The following MARCHF7 variants were observed in gnomAD, a reference collection of about 807,000 sequenced individuals.
MARCHF7 encodes the protein E3 ubiquitin-protein ligase MARCHF7.
MARCHF7 carries 20 observed loss-of-function variants against 76.5 expected under a neutral mutation model. The ratio of observed to expected loss-of-function variants is 0.26; its 90% CI spans 0.18 to 0.38. MARCHF7 has a LOEUF of 0.38. Among genes scored for constraint, MARCHF7 ranks in the 10% least tolerant of loss-of-function variants. The pLI is 1.00. For missense variants in MARCHF7, 797 were observed against 812.9 expected (o/e 0.98, Z 0.24); for synonymous variants, 295 against 293.0 (o/e 1.01, Z -0.07).
chr2:159,758,906 A>AG (rs1258302994), intron 8 of MARCHF7, among the ~76,000 whole-genome samples: 1 of 152,210 alleles, frequency 6.6e-6, no homozygotes, highest in African/African-American at 2.4e-5. Context: ...AGGAGGAAGT[A>AG]GGAAGTACAG....
chr2:159,730,417 A>G (rs1194554759), intron 4 of MARCHF7, among the ~76,000 whole-genome samples: 1 of 152,234 alleles, frequency 6.6e-6, no homozygotes, highest in Non-Finnish European at 1.5e-5. Flanking sequence ...CGTACACAGT[A>G]GTAAGCATTC....
chr2:159,752,949 A>T (rs1029057881), intron 8 of MARCHF7, among the ~76,000 whole-genome samples: 38 of 152,218 alleles, frequency 2.5e-4, no homozygotes, highest in South Asian at 2.1e-4. Context: ...GCAAATTACG[A>T]TTATAGGCTA....
chr2:159,759,884 G>A (rs1706812971), intron 9 of MARCHF7, among the ~76,000 whole-genome samples: 1 of 152,170 alleles, frequency 6.6e-6, no homozygotes, highest in African/African-American at 2.4e-5. Flanking sequence ...ACTGTTTGAG[G>A]CCAGGAGTTT....
rs142907298 is a variant in MARCHF7, at chr2:159,748,703, A to G, written c.1413A>G (p.Arg471=). Residue 471 remains arginine, a synonymous_variant, in exon 7 of 12, where the codon AGA becomes AGG. Transcript: ENST00000409175. ...GSTSDSAQGG[R]NTGISGILPG... ...CATCAGATTCGGCTCAAGGTGGAAG[A>G]AATACAGGAATATCAGGGATTCTTC... The G allele has an allele frequency of 6.6e-5, 107 of 1,614,050 alleles. No homozygotes were observed. Among genetic ancestry groups the G allele is most frequent in the Non-Finnish European group, 8.9e-5 (105 of 1,180,026 alleles).
chr2:159,734,694 G>A (rs1703240468), intron 4 of MARCHF7, among the ~76,000 whole-genome samples: 1 of 151,892 alleles, frequency 6.6e-6, no homozygotes, highest in South Asian at 2.1e-4. Context: ...AAAAGAGACT[G>A]GACATGGTGG....
chr2:159,755,313 G>A (rs1279473203), intron 8 of MARCHF7, among the ~76,000 whole-genome samples: 2 of 152,140 alleles, frequency 1.3e-5, no homozygotes, highest in Non-Finnish European at 2.9e-5. Context: ...CTGAGGTGGG[G>A]AAGGGTAATA....
chr2:159,752,713 A>G, intron 8 of MARCHF7, 142 bp downstream of exon 8: 1 of 731,476 alleles, frequency 1.4e-6, no homozygotes, highest in Non-Finnish European at 2.0e-6. Context: ...AGAAGCATTA[A>G]AGAGCATTAG....
In MARCHF7 at chr2:159,763,587, G is replaced by A. The variant is rs368904120; in HGVS notation, c.2007+594G>A. On this transcript the variant is annotated intron_variant, in intron 10 of 11. Coordinates refer to ENST00000409175, the MANE Select transcript of MARCHF7 (RefSeq NM_001282805.2). ...GAGGAAACTTTATGCTTTGCTGTCT[G>A]GGCCATTTTGTGTAGCAAGGGCTAG... Among the ~76,000 whole-genome samples, 4 of 152,230 alleles carry A rather than the reference G, an allele frequency of 2.6e-5. No homozygotes were observed. In the South Asian group the frequency reaches 6.2e-4, roughly 24 times the overall value.
chr2:159,748,858 G>A lies in MARCHF7; in HGVS notation c.1568G>A (p.Ser523Asn). The A allele has an allele frequency of 1.9e-6, 3 of 1,613,388 alleles. No homozygotes were observed. The highest frequency in any genetic ancestry group is 2.5e-6 in the Non-Finnish European group (3 of 1,179,776). ...GATGGTAAAAGTGATAAAACTAAAA[G>A]TGCGCCTTCAAGAGATCCAGAAAGA... is the stretch of plus-strand genomic sequence containing the variant. ...SADGKSDKTK[S>N]APSRDPERLQ... Residue 523 changes from serine to asparagine, a missense_variant, in exon 7 of 12, where the codon AGT becomes AAT. By Grantham distance (46) the Ser-to-Asn change is conservative. This residue lies in a region of MARCHF7 where 643 missense variants were observed against 631.5 expected (regional missense o/e 1.02). Coordinates refer to ENST00000409175, the MANE Select transcript of MARCHF7 (RefSeq NM_001282805.2).
chr2:159,742,917 A>G lies in MARCHF7; in HGVS notation c.154-144A>G, dbSNP rs969022596. 6.6e-5 allele frequency: 46 copies of G among 696,548 alleles called. No individual in the cohort carries two copies. In the South Asian group the frequency reaches 9.4e-4, roughly 14 times the overall value. The allele number at this position is 696,548 out of a possible 1,614,324, so 43.1% of individuals were successfully genotyped here. ...GCCCCACTGCACTCCAGCTTGGGCA[A>G]CAGAGCAAGACTCAGTCTCAAAAAA... On this transcript the variant is annotated intron_variant, in intron 4 of 11. Coordinates refer to ENST00000409175, the MANE Select transcript of MARCHF7 (RefSeq NM_001282805.2).
rs760730247 is a variant in MARCHF7 at position 159,748,796 on chromosome 2, C to A, written c.1506C>A (p.Ile502=). 4 of 1,613,982 alleles carry A rather than the reference C, an allele frequency of 2.5e-6. No homozygotes were observed. Among genetic ancestry groups the A allele is most frequent in the Non-Finnish European group, 3.4e-6 (4 of 1,180,036 alleles). The change falls in exon 7 of 12, where the codon ATC becomes ATA. Residue 502 remains isoleucine, a synonymous_variant. Coordinates refer to ENST00000409175, the MANE Select transcript of MARCHF7 (RefSeq NM_001282805.2). The part of the protein sequence containing the change: ...LGSNLTDNVM[I]TVDIIPSGWN... ...GTAATTTGACCGACAATGTCATGAT[C>A]ACAGTAGATATTATTCCTTCAGGTT... is the stretch of plus-strand genomic sequence containing the variant.
At chr2:159,722,282 C>T (rs761848919) in intron 3 of MARCHF7, among the ~76,000 whole-genome samples, 10 of 152,006 alleles carry the variant, frequency 6.6e-5, no homozygotes, top group Non-Finnish European at 1.2e-4. Context: ...GGATCACAGG[C>T]GCGTGCCACC....
intron 1 of MARCHF7, among the ~76,000 whole-genome samples, chr2:159,713,138 T>C (rs72994687): frequency 0.072 from 10,958 of 152,262 alleles, 512 homozygotes; most frequent in East Asian, 0.14. Context: ...GATTGTCTTA[T>C]TGGTAACGTC....
chr2:159,732,927 A>G (rs1011423536), intron 4 of MARCHF7: 3 of 985,086 alleles, frequency 3.0e-6, no homozygotes, highest in Non-Finnish European at 3.6e-6. Context: ...TAAGATGAAC[A>G]AGATTGTTCA....
chr2:159,716,289 A>G (rs1257289317), intron 3 of MARCHF7, among the ~76,000 whole-genome samples: 1 of 151,578 alleles, frequency 6.6e-6, no homozygotes, highest in Non-Finnish European at 1.5e-5. Context: ...AGAAAAGGAT[A>G]TGCAAAGTAT....
At chr2:159,736,834 A>T (rs752101326) in intron 4 of MARCHF7, among the ~76,000 whole-genome samples, 4 of 152,232 alleles carry the variant, frequency 2.6e-5, no homozygotes, top group Non-Finnish European at 5.9e-5. Context: ...ATCTATAGCT[A>T]TTAAGTCTCC....
chr2:159,727,939 A>G (rs977961530), intron 3 of MARCHF7, among the ~76,000 whole-genome samples: 1 of 152,246 alleles, frequency 6.6e-6, no homozygotes, highest in African/African-American at 2.4e-5. Context: ...TATAAAGTGG[A>G]AAGCACTCAG....
At chr2:159,750,720 A>G in intron 7 of MARCHF7, among the ~76,000 whole-genome samples, 1 of 152,210 alleles carries the variant, frequency 6.6e-6, no homozygotes, top group East Asian at 1.9e-4. Flanking sequence ...TAAAATAGTT[A>G]TTAAAATGAG....
At chr2:159,736,517 C>T (rs773672739) in intron 4 of MARCHF7, among the ~76,000 whole-genome samples, 2 of 151,990 alleles carry the variant, frequency 1.3e-5, no homozygotes, top group African/African-American at 2.4e-5. Context: ...GATACAAGCT[C>T]CTTATTGGAT....
Sources: gnomAD v4.1 joint callset for allele counts (sites outside exome capture counted in the v4.1 genomes callset) on GRCh38, gnomAD v4.1.1 for gene constraint, gnomAD v4.1.1 regional missense constraint, MANE v1.5 for transcripts, NCBI Gene and HGNC (gene_info 2026-07-23, HGNC 2026-07-21) for gene names.